Variants in DTWD2 observed in about 807,000 individuals in gnomAD.
DTWD2 encodes the protein DTW motif tRNA-uridine aminocarboxypropyltransferase 2, also known as tRNA-uridine aminocarboxypropyltransferase 2.
Under a neutral mutation model 31.8 loss-of-function variants are expected in DTWD2, and 39 were observed. The ratio of observed to expected loss-of-function variants is 1.22; its 90% CI spans 0.95 to 1.60. DTWD2 has a LOEUF of 1.60. Among genes scored for constraint, DTWD2 ranks in the 40% most tolerant of loss-of-function variants. The probability of loss-of-function intolerance (pLI) is 0.00; values close to 1 mark genes in which losing one functional copy is unlikely to be tolerated. For missense variants in DTWD2, 515 were observed against 381.5 expected (o/e 1.35, Z -2.92); for synonymous variants, 180 against 142.8 (o/e 1.26, Z -1.86).
chr5:118,871,448 C>T (rs1470614250), intron 4 of DTWD2, among the ~76,000 whole-genome samples: 1 of 152,146 alleles, frequency 6.6e-6, no homozygotes, highest in African/African-American at 2.4e-5. Flanking sequence ...CAACTATAGC[C>T]TTATGAAATG....
chr5:118,853,465 C>G (rs1319226559), intron 4 of DTWD2, among the ~76,000 whole-genome samples: 1 of 151,738 alleles, frequency 6.6e-6, no homozygotes, highest in African/African-American at 2.4e-5. Flanking sequence ...TCACTGCAGC[C>G]CTATTCATAA....
intron 4 of DTWD2, among the ~76,000 whole-genome samples, chr5:118,883,106 T>A (rs1580784939): frequency 6.6e-6 from 1 of 152,208 alleles, no homozygotes; most frequent in Non-Finnish European, 1.5e-5. Flanking sequence ...GCTTAGAAAT[T>A]TGTTCTGCCA....
intron 1 of DTWD2, among the ~76,000 whole-genome samples, chr5:118,958,705 A>G (rs1310967367): frequency 6.6e-6 from 1 of 152,132 alleles, no homozygotes; most frequent in Non-Finnish European, 1.5e-5. Flanking sequence ...CCTCAAAAAA[A>G]ATTAGCAAAC....
At chr5:118,917,777 G>A (rs1753611742) in intron 4 of DTWD2, among the ~76,000 whole-genome samples, 1 of 152,154 alleles carries the variant, frequency 6.6e-6, no homozygotes, top group South Asian at 2.1e-4. Flanking sequence ...TTCGAGACCA[G>A]AGTGACAAAC....
rs561057977 is a variant in DTWD2 at position 118,936,329 on chromosome 5, A to G, written c.404+2867T>C. On this transcript the variant is annotated intron_variant, in intron 3 of 5. Coordinates refer to ENST00000510708, the MANE Select transcript of DTWD2 (RefSeq NM_173666.4). ...AAAGGGGGTAAGATACTTTGAGGCC[A>G]GGAGTTCAAGACCAGCCTGGGCAAC... 2.6e-5 allele frequency among the ~76,000 whole-genome samples: 4 copies of G among 152,280 alleles called. No individual in the cohort carries two copies. In the South Asian group the frequency reaches 8.3e-4, roughly 32 times the overall value.
At chr5:118,925,591 A>G (rs1467081987) in intron 4 of DTWD2, among the ~76,000 whole-genome samples, 1 of 152,206 alleles carries the variant, frequency 6.6e-6, no homozygotes, top group Middle Eastern at 3.2e-3. Flanking sequence ...CATGCCTGTA[A>G]TTCCAGCACT....
At chr5:118,920,746 T>A (rs1753684775) in intron 4 of DTWD2, among the ~76,000 whole-genome samples, 1 of 152,236 alleles carries the variant, frequency 6.6e-6, no homozygotes, top group South Asian at 2.1e-4. Flanking sequence ...ATTACAGTTA[T>A]ATTCATAAGA....
In DTWD2 at chr5:118,921,383, T is replaced by C. The variant is rs190597173; in HGVS notation, c.597+7154A>G. Among the ~76,000 whole-genome samples the C allele has an allele frequency of 6.6e-5, 10 of 151,832 alleles. No homozygotes were observed. The East Asian group carries it at 1.9e-3, about 29-fold the overall frequency. On this transcript the variant is annotated intron_variant, in intron 4 of 5. Coordinates refer to ENST00000510708, the MANE Select transcript of DTWD2 (RefSeq NM_173666.4). ...TTTAAAAATTAGTCAGGTGTGGTGG[T>C]ACACACCCACTAGTCCCACCACTGA...
intron 1 of DTWD2, among the ~76,000 whole-genome samples, chr5:118,976,964 TAGCACATCAAAA>T (rs1755176682): frequency 6.6e-6 from 1 of 152,082 alleles, no homozygotes; most frequent in Non-Finnish European, 1.5e-5. Flanking sequence ...CTGAATACAG[TAGCACATCAAAA>T]AGGTTATCCA....
intron 4 of DTWD2, among the ~76,000 whole-genome samples, chr5:118,926,772 A>C (rs1228677530): frequency 2.0e-5 from 3 of 151,986 alleles, no homozygotes; most frequent in African/African-American, 7.2e-5. Context: ...TGGCACAATC[A>C]TAGCTCACTG....
At chr5:118,981,386 T>G (rs1175035927) in intron 1 of DTWD2, among the ~76,000 whole-genome samples, 2 of 152,178 alleles carry the variant, frequency 1.3e-5, no homozygotes, top group Non-Finnish European at 2.9e-5. Context: ...AAAAAAGAAT[T>G]AGACTGCCAA....
At chr5:118,854,886 G>A (rs822743) in intron 4 of DTWD2, among the ~76,000 whole-genome samples, 1 of 151,910 alleles carries the variant, frequency 6.6e-6, no homozygotes, top group Admixed American at 6.6e-5. Context: ...TAACTTATAT[G>A]TTGTTCCTTT....
chr5:118,887,216 T>A (rs1457636789), intron 4 of DTWD2, among the ~76,000 whole-genome samples: 1 of 152,174 alleles, frequency 6.6e-6, no homozygotes, highest in Non-Finnish European at 1.5e-5. Flanking sequence ...AAATTCGTGA[T>A]AAAAATATTC....
chr5:118,868,866 G>A (rs1752439407), intron 4 of DTWD2, among the ~76,000 whole-genome samples: 1 of 151,482 alleles, frequency 6.6e-6, no homozygotes, highest in South Asian at 2.1e-4. Flanking sequence ...AAAAAGATGG[G>A]GTGGGAGGGG....
intron 4 of DTWD2, among the ~76,000 whole-genome samples, chr5:118,922,829 A>G (rs1007880581): frequency 6.6e-6 from 1 of 152,146 alleles, no homozygotes; most frequent in Non-Finnish European, 1.5e-5. Flanking sequence ...CCTCTTGTCA[A>G]TAAGGGTATC....
intron 4 of DTWD2, among the ~76,000 whole-genome samples, chr5:118,902,002 CTTT>C (rs1276436296): frequency 6.6e-6 from 1 of 152,134 alleles, no homozygotes; most frequent in Non-Finnish European, 1.5e-5. Flanking sequence ...TACTTAATTA[CTTT>C]TTATTATTTA....
intron 4 of DTWD2, among the ~76,000 whole-genome samples, chr5:118,852,659 G>A (rs1268824804): frequency 2.6e-5 from 4 of 152,164 alleles, no homozygotes; most frequent in African/African-American, 9.7e-5. Context: ...AAGCGGTGTG[G>A]TGATTTCTCA....
At chr5:118,961,608 T>A (rs1449244477) in intron 1 of DTWD2, among the ~76,000 whole-genome samples, 1 of 152,204 alleles carries the variant, frequency 6.6e-6, no homozygotes, top group Non-Finnish European at 1.5e-5. Flanking sequence ...AATCCTCTGC[T>A]CCTTATTCAC....
chr5:118,934,448 G>C (rs933975882), intron 3 of DTWD2, among the ~76,000 whole-genome samples: 33 of 151,428 alleles, frequency 2.2e-4, no homozygotes, highest in African/African-American at 7.3e-4. Flanking sequence ...GAAGGAGATT[G>C]CATGGAATTA....
Sources: allele counts gnomAD v4.1 joint callset (sites outside exome capture counted in the v4.1 genomes callset), GRCh38; gene constraint gnomAD v4.1.1; transcripts MANE v1.5; gene names NCBI Gene and HGNC (gene_info 2026-07-23, HGNC 2026-07-21).